The following PDPR variants were observed in gnomAD, a reference collection of about 807,000 sequenced individuals.
PDPR encodes the protein pyruvate dehydrogenase phosphatase regulatory subunit.
Under a neutral mutation model 102.2 loss-of-function variants are expected in PDPR, and 50 were observed. The observed-to-expected ratio is 0.49, with a 90% CI of 0.39 to 0.62. The LOEUF (loss-of-function observed/expected upper bound fraction) is 0.62, where lower values mean the gene tolerates loss of function less well. Among genes scored for constraint, PDPR ranks in the 20% least tolerant of loss-of-function variants. The probability of loss-of-function intolerance (pLI) is 0.00; values close to 1 mark genes in which losing one functional copy is unlikely to be tolerated. For synonymous variants in PDPR, 259 were observed against 406.0 expected (o/e 0.64, Z 4.35); for missense variants, 625 against 1,098.2 (o/e 0.57, Z 6.09).
intron 16 of PDPR, among the ~76,000 whole-genome samples, chr16:70,148,166 C>T (rs1452652849): frequency 6.6e-6 from 1 of 152,212 alleles, no homozygotes; most frequent in Non-Finnish European, 1.5e-5. Flanking sequence ...AACACAAGGA[C>T]CTGGCAAAGA....
Position 70,156,571 on chromosome 16 carries a change from G to T in PDPR, c.2332G>T (p.Asp778Tyr). 1 of 1,614,098 alleles carries T rather than the reference G, an allele frequency of 6.2e-7. No homozygotes were observed. Among genetic ancestry groups the T allele is most frequent in the South Asian group, 1.1e-5 (1 of 91,090 alleles). Residue 778 changes from aspartate (D) to tyrosine (Y), a missense_variant, in exon 19 of 19, where the codon GAC (aspartate) becomes TAC (tyrosine). Transcript: ENST00000288050. ...GTTCATCCTGGACGACCATGATTCA[G>T]ACCTAGACCTTTGGCCTTGGTGGGG... ...TMFILDDHDS[D>Y]LDLWPWWGEP... is the part of the protein sequence containing the mutation.
At chr16:70,126,537 G>A (rs1161950013) in intron 3 of PDPR, among the ~76,000 whole-genome samples, 1 of 152,170 alleles carries the variant, frequency 6.6e-6, no homozygotes, top group Non-Finnish European at 1.5e-5. Flanking sequence ...CTAATTTTTT[G>A]TATTTTTTGT....
intron 11 of PDPR, among the ~76,000 whole-genome samples, chr16:70,140,978 T>C (rs1415826921): frequency 6.6e-6 from 1 of 152,272 alleles, no homozygotes; most frequent in Admixed American, 6.5e-5. Context: ...TTTGGGATGG[T>C]GTGAGATCAG....
rs1362787868 is a variant in PDPR at position 70,120,501 on chromosome 16, C to T, written c.9C>T (p.Phe3=). 1 of 1,613,746 alleles carries T rather than the reference C, an allele frequency of 6.2e-7. No individual in the cohort carries two copies. Among genetic ancestry groups the T allele is most frequent in the South Asian group, 1.1e-5 (1 of 91,054 alleles). MM[F]YRLLSIVGRQ... ...TCTAGTTGGTGAGAGACATGATGTT[C>T]TACCGGTTGCTGTCGATTGTTGGAA... Residue 3 remains phenylalanine, a synonymous_variant, in exon 3 of 19, where the codon TTC becomes TTT. Coordinates refer to ENST00000288050, the MANE Select transcript of PDPR (RefSeq NM_017990.5).
At chr16:70,148,819 A>G (rs960275616) in intron 17 of PDPR, among the ~76,000 whole-genome samples, 1 of 152,384 alleles carries the variant, frequency 6.6e-6, no homozygotes. Flanking sequence ...GTTCTCACCA[A>G]CTGTCACCAA....
chr16:70,137,596 A>G (rs1321343817), intron 10 of PDPR, among the ~76,000 whole-genome samples: 1 of 152,264 alleles, frequency 6.6e-6, no homozygotes, highest in African/African-American at 2.4e-5. Flanking sequence ...TGAAGGTTAC[A>G]CCGCAGTGTG....
rs1962944822 is a variant in PDPR, at chr16:70,119,063, A to C, written c.-32-1398A>C. Among the ~76,000 whole-genome samples the C allele has an allele frequency of 2.6e-5, 4 of 152,054 alleles. No individual in the cohort carries two copies. In the South Asian group the frequency reaches 6.2e-4, roughly 24 times the overall value. ...TACCGCCTCTCGTCTCAAAGTCCTC[A>C]TCCTCCTGTACACATGACTGCATGG... On this transcript the variant is annotated intron_variant, in intron 2 of 18. Transcript: ENST00000288050.
intron 2 of PDPR, chr16:70,120,192 G>T (rs1963088519): frequency 1.2e-5 from 4 of 340,906 alleles, no homozygotes; most frequent in South Asian, 1.0e-4. Context: ...TGGGATTACA[G>T]GTGTGAGCCA....
intron 7 of PDPR, among the ~76,000 whole-genome samples, 163 bp downstream of exon 7, chr16:70,130,707 T>A (rs1359865678): frequency 1.3e-5 from 2 of 152,288 alleles, no homozygotes; most frequent in African/African-American, 4.8e-5. Context: ...AGTCTGCAAA[T>A]AGAAGCCTGT....
In PDPR at chr16:70,156,609, C is replaced by T; in HGVS notation, c.2370C>T (p.Tyr790=). ...GGCCTTGGTGGGGAGAGCCCATTTA[C>T]CGGAATGGGCAGTATGTTGGCAAGA... ...DLWPWWGEPI[Y]RNGQYVGKTT... The change falls in exon 19 of 19, where the codon TAC becomes TAT. Residue 790 remains tyrosine (Y), a synonymous_variant. Coordinates refer to ENST00000288050, the MANE Select transcript of PDPR (RefSeq NM_017990.5). The T allele has an allele frequency of 6.2e-7, 1 of 1,614,082 alleles. No homozygotes were observed. Among genetic ancestry groups the T allele is most frequent in the Middle Eastern group, 1.7e-4 (1 of 6,060 alleles).
chr16:70,146,774 A>G (rs1966270322), intron 16 of PDPR, among the ~76,000 whole-genome samples: 1 of 34,728 alleles, frequency 2.9e-5, no homozygotes, highest in Admixed American at 3.3e-4. Context: ...AGGCTGAGGC[A>G]GGAGAATGAC....
At chr16:70,140,384 T>G (rs1164436512) in intron 11 of PDPR, among the ~76,000 whole-genome samples, 3 of 152,274 alleles carry the variant, frequency 2.0e-5, no homozygotes, top group Non-Finnish European at 4.4e-5. Flanking sequence ...TGTTTTAAAG[T>G]TGAACTATTA....
intron 8 of PDPR, 101 bp downstream of exon 8, chr16:70,131,520 T>C: frequency 3.2e-6 from 4 of 1,254,402 alleles, no homozygotes; most frequent in Non-Finnish European, 4.5e-6. Context: ...TCTGAAAGAG[T>C]CTTTCATTTC....
intron 15 of PDPR, among the ~76,000 whole-genome samples, chr16:70,145,110 G>C (rs947072151): frequency 5.9e-5 from 9 of 152,118 alleles, no homozygotes; most frequent in Admixed American, 5.9e-4. Context: ...AAAATTAGCT[G>C]GACATGGTGG....
chr16:70,145,092 A>G (rs2152109561), intron 15 of PDPR, among the ~76,000 whole-genome samples: 1 of 152,122 alleles, frequency 6.6e-6, no homozygotes, highest in South Asian at 2.1e-4. Flanking sequence ...ATCTCTACTA[A>G]AAATACAAAA....
chr16:70,119,333 A>G (rs1005101042), intron 2 of PDPR, among the ~76,000 whole-genome samples: 5 of 151,682 alleles, frequency 3.3e-5, no homozygotes, highest in Non-Finnish European at 7.4e-5. Flanking sequence ...AACATCCCCC[A>G]ACCCCCCACC....
At chr16:70,120,250 C>T (rs560359278) in intron 2 of PDPR, 3 of 436,342 alleles carry the variant, frequency 6.9e-6, no homozygotes, top group South Asian at 6.6e-5. Flanking sequence ...CGGGGTTTCA[C>T]TGTGTTAGCC....
Position 70,159,201 on chromosome 16 carries a change from A to T in PDPR, c.*2322A>T, listed in dbSNP as rs1177134194. ...ATTACTACAGATTGACACGTTTTTA[A>T]TTAGCTGTCCTTTGTAAGAAGTCAG... On this transcript the variant is annotated 3_prime_UTR_variant, in exon 19 of 19. Transcript: ENST00000288050. The T allele has an allele frequency of 2.0e-5, 3 of 152,358 alleles. No individual in the cohort carries two copies. The highest frequency in any genetic ancestry group is 4.4e-5 in the Non-Finnish European group (3 of 68,066). 9.4% of individuals were successfully genotyped at this position (152,358 alleles called of 1,614,324 possible).
intron 17 of PDPR, 108 bp from the exon 18 acceptor site, chr16:70,153,283 C>A: frequency 8.2e-7 from 1 of 1,220,036 alleles, no homozygotes; most frequent in Non-Finnish European, 1.1e-6. Context: ...GTTTTATACG[C>A]CTCCTCTCTT....
Sources: gnomAD v4.1 joint callset for allele counts (sites outside exome capture counted in the v4.1 genomes callset) on GRCh38, gnomAD v4.1.1 for gene constraint, MANE v1.5 for transcripts, NCBI Gene and HGNC (gene_info 2026-07-23, HGNC 2026-07-21) for gene names.